SPTA1: variants seen among roughly 807,000 people sequenced by gnomAD.
The protein encoded by SPTA1 is spectrin alpha, erythrocytic 1, also known as spectrin alpha chain, erythrocytic 1.
In SPTA1, 177 loss-of-function variants were observed where a neutral mutation model predicts 324.7. That is an observed-to-expected ratio of 0.55 (90% CI 0.48 to 0.62). The LOEUF (loss-of-function observed/expected upper bound fraction) is 0.62, where lower values mean the gene tolerates loss of function less well. SPTA1 is among the 20% of genes least tolerant of loss of function. The probability of loss-of-function intolerance (pLI) is 0.00; values close to 1 mark genes in which losing one functional copy is unlikely to be tolerated. For synonymous variants in SPTA1, 1,195 were observed against 1,041.3 expected, an observed-to-expected ratio of 1.15 and a Z score of -2.84; for missense variants, 3,162 against 2,883.6, an observed-to-expected ratio of 1.10 and a Z score of -2.21.
At chr1:158,613,170 T>C (rs1351949055) in intron 50 of SPTA1, among the ~76,000 whole-genome samples, 1 of 151,992 alleles carries the variant, frequency 6.6e-6, no homozygotes, top group African/African-American at 2.4e-5. Context: ...AAGCCAAATA[T>C]TACTAAATAT....
At chr1:158,682,009 C>T (rs1329715030) in intron 3 of SPTA1, among the ~76,000 whole-genome samples, 1 of 152,112 alleles carries the variant, frequency 6.6e-6, no homozygotes, top group African/African-American at 2.4e-5. Flanking sequence ...ACAGGTCAAT[C>T]ATAAGCATAA....
At chr1:158,626,813 G>A in intron 41 of SPTA1, 26 bp downstream of exon 41, 1 of 1,613,096 alleles carries the variant, frequency 6.2e-7, no homozygotes, top group African/African-American at 1.3e-5. Context: ...TCAAACCCAA[G>A]GGACCCTGAA....
At chr1:158,666,798 C>T (rs1653634827) in intron 15 of SPTA1, among the ~76,000 whole-genome samples, 1 of 152,136 alleles carries the variant, frequency 6.6e-6, no homozygotes, top group Admixed American at 6.5e-5. Flanking sequence ...GTGATTTTTA[C>T]TCTCTATCCA....
chr1:158,682,790 T>C (rs1654902973), intron 3 of SPTA1, among the ~76,000 whole-genome samples: 1 of 152,096 alleles, frequency 6.6e-6, no homozygotes, highest in Admixed American at 6.6e-5. Context: ...GATTACAGAG[T>C]ATGAATCCTT....
At chr1:158,668,483 A>T (rs1343440052) in intron 14 of SPTA1, among the ~76,000 whole-genome samples, 1 of 152,212 alleles carries the variant, frequency 6.6e-6, no homozygotes, top group Non-Finnish European at 1.5e-5. Flanking sequence ...AACACATATG[A>T]ACAAGCTTCA....
chr1:158,642,592 CAAGAT>C lies in SPTA1; in HGVS notation c.4606-55_4606-51del, dbSNP rs111523698. 30 of 1,607,958 alleles carry C rather than the reference CAAGAT, an allele frequency of 1.9e-5. No homozygotes were observed. In the African/African-American group the frequency reaches 1.9e-4, roughly 10 times the overall value. On this transcript the variant is annotated intron_variant, in intron 32 of 51. Transcript: ENST00000643759. ...TATATTATCTTTTTATTTATGGTGA[CAAGAT>C]AAGGTAAATTGTATTTAAAAGGAAG...
At chr1:158,626,009 A>T in intron 42 of SPTA1, 137 bp downstream of exon 42, 1 of 676,342 alleles carries the variant, frequency 1.5e-6, no homozygotes, top group South Asian at 2.0e-5. Flanking sequence ...ATAATTAGGA[A>T]ATTATTAATA....
chr1:158,672,173 C>A lies in SPTA1; in HGVS notation c.1374G>T (p.Trp458Cys), dbSNP rs1654073723. Reference sequence around the variant, plus strand: ...CGTCCCACAGTTCCAGCAGGGCAGTCCAGTTGTTGTCAAGTATTTCCATCT... The same window carrying A: ...CGTCCCACAGTTCCAGCAGGGCAGTACAGTTGTTGTCAAGTATTTCCATCT... ...REKMEILDNN[W>C]TALLELWDER... Residue 458 changes from tryptophan to cysteine, a missense_variant, in exon 11 of 52, where the codon TGG (tryptophan) becomes TGT (cysteine). Physicochemically the swap from Trp to Cys is radical, Grantham distance 215. Transcript: ENST00000643759. 2 of 1,613,756 alleles carry A rather than the reference C, an allele frequency of 1.2e-6. No homozygotes were observed. Among genetic ancestry groups the A allele is most frequent in the African/African-American group, 1.3e-5 (1 of 74,876 alleles).
rs555601707 is a variant in SPTA1, at chr1:158,661,547, A to G, written c.2465-138T>C. 3.6e-6 allele frequency: 4 copies of G among 1,126,036 alleles called. No individual in the cohort carries two copies. In the East Asian group the frequency reaches 7.6e-5, roughly 21 times the overall value. The allele number at this position is 1,126,036 out of a possible 1,614,324, so 69.8% of individuals were successfully genotyped here. On this transcript the variant is annotated intron_variant, in intron 17 of 51. Coordinates refer to ENST00000643759, the MANE Select transcript of SPTA1 (RefSeq NM_003126.4). The stretch of plus-strand genomic sequence containing the variant: ...ATTGAGTAAGATTCTTTAAATTTAT[A>G]TCATCTGTCTGATTTCACTCTACTT...
Position 158,666,357 on chromosome 1 carries a change from T to C in SPTA1, c.2179A>G (p.Arg727Gly). 1 of 1,613,982 alleles carries C rather than the reference T, an allele frequency of 6.2e-7. No individual in the cohort carries two copies. Residue 727 changes from arginine to glycine, a missense_variant, in exon 16 of 52, where the codon AGG (arginine) becomes GGG (glycine). Coordinates refer to ENST00000643759, the MANE Select transcript of SPTA1 (RefSeq NM_003126.4). ...KGLAEVQNRL[R>G]KHGLLESAVA... ...GCCGACTCCAGGAGGCCGTGTTTCC[T>C]GAGTCGATTCTGTACCTCGGCCAGG...
At chr1:158,640,255 A>C (rs1258644162) in intron 33 of SPTA1, among the ~76,000 whole-genome samples, 1 of 152,164 alleles carries the variant, frequency 6.6e-6, no homozygotes, top group African/African-American at 2.4e-5. Context: ...CCAAAAAACT[A>C]TTGGCAGAAG....
rs531590551 is a variant in SPTA1 at position 158,647,627 on chromosome 1, C to T, written c.3808G>A (p.Ala1270Thr). Residue 1270 changes from alanine (A) to threonine (T), a missense_variant, in exon 27 of 52, where the codon GCC (alanine) becomes ACC (threonine). Coordinates refer to ENST00000643759, the MANE Select transcript of SPTA1 (RefSeq NM_003126.4). The part of the protein sequence containing the change: ...LQRQKMELNE[A>T]WEDLQGRTKD... ...GTACGCCCCTGCAGGTCTTCCCAGG[C>T]CTCATTCAGCTCCATTTTCTGTCTC... 2 of 1,613,974 alleles carry T rather than the reference C, an allele frequency of 1.2e-6. No homozygotes were observed. The highest frequency in any genetic ancestry group is 1.7e-6 in the Non-Finnish European group (2 of 1,179,942).
intron 48 of SPTA1, 92 bp downstream of exon 48, chr1:158,615,124 T>A: frequency 1.4e-6 from 2 of 1,455,512 alleles, no homozygotes; most frequent in East Asian, 4.5e-5. Flanking sequence ...GCAACTCTTT[T>A]ATCTGGTGCA....
chr1:158,681,504 G>A (rs1259544664), intron 4 of SPTA1, 23 bp downstream of exon 4: 2 of 1,613,340 alleles, frequency 1.2e-6, no homozygotes, highest in East Asian at 2.2e-5. Flanking sequence ...GGCCCTGTGT[G>A]ATTGCTGTTT....
At position 158,668,064 on chromosome 1, in the gene SPTA1, T is replaced by G; in HGVS notation, c.1834-2A>C. 6.4e-7 allele frequency: 1 copy of G among 1,561,054 alleles called. No homozygotes were observed. The highest frequency in any genetic ancestry group is 1.1e-5 in the South Asian group (1 of 88,986). On this transcript the variant is annotated splice_acceptor_variant, in intron 14 of 51. Transcript: ENST00000643759. LOFTEE classifies it high-confidence loss of function. ...CCTGCTCTTCAAGTTCTGTATGTCC[T>G]GAGATAAGATGAAAAAAAAAAAAAA...
Position 158,613,916 on chromosome 1 carries a change from C to T in SPTA1, c.6843-49G>A, listed in dbSNP as rs778639916. 5.0e-6 allele frequency: 8 copies of T among 1,586,940 alleles called. No individual in the cohort carries two copies. The Admixed American group carries it at 5.2e-5, about 10-fold the overall frequency. ...AAATTTATCAAGCTCAATAGAAAAA[C>T]CAAGTGAGAACAGAAAGGAATATGT... On this transcript the variant is annotated intron_variant, in intron 49 of 51. Transcript: ENST00000643759.
chr1:158,612,679 A>C, intron 51 of SPTA1, 138 bp downstream of exon 51: 1 of 911,308 alleles, frequency 1.1e-6, no homozygotes. Flanking sequence ...TTACCAAAGC[A>C]AATGACATCT....
intron 43 of SPTA1, among the ~76,000 whole-genome samples, chr1:158,621,292 C>T (rs955923503): frequency 6.6e-6 from 1 of 152,030 alleles, no homozygotes; most frequent in Non-Finnish European, 1.5e-5. Context: ...TTGTCTTGAG[C>T]AAACATAAAA....
rs1490605913 is a variant in SPTA1, at chr1:158,645,094, A to C, written c.4194+94T>G. 1.7e-5 allele frequency: 23 copies of C among 1,323,580 alleles called. No homozygotes were observed. The East Asian group carries it at 4.8e-4, about 28-fold the overall frequency. 82.0% of individuals were successfully genotyped at this position (1,323,580 alleles called of 1,614,324 possible). On this transcript the variant is annotated intron_variant, in intron 29 of 51. Transcript: ENST00000643759. ...AGCTCCCTTTGTGTTTATAACGTGG[A>C]AAGTCTAGTGAACGGAGCCTGTAAT...
Sources: allele counts gnomAD v4.1 joint callset (sites outside exome capture counted in the v4.1 genomes callset), GRCh38; gene constraint gnomAD v4.1.1; transcripts MANE v1.5; gene names NCBI Gene and HGNC (gene_info 2026-07-23, HGNC 2026-07-21).